Variants in WDFY3 observed in about 807,000 individuals in gnomAD.
The protein encoded by WDFY3 is WD repeat and FYVE domain containing 3.
WDFY3 carries 66 observed loss-of-function variants against 409.6 expected under a neutral mutation model. The observed-to-expected ratio is 0.16, with a 90% CI of 0.13 to 0.20. The LOEUF (loss-of-function observed/expected upper bound fraction) is 0.20. Ranked by LOEUF, WDFY3 falls within the 10% of genes least tolerant of loss-of-function variation. The pLI is 1.00. For missense variants in WDFY3, 3,031 were observed against 4,298.1 expected (o/e 0.71, Z 8.24); for synonymous variants, 1,521 against 1,537.1 (o/e 0.99, Z 0.25).
At chr4:84,852,215 T>C (rs1759129111) in intron 4 of WDFY3, among the ~76,000 whole-genome samples, 1 of 152,174 alleles carries the variant, frequency 6.6e-6, no homozygotes. Flanking sequence ...AAGTGACTAT[T>C]GGGCAGGTGG....
intron 5 of WDFY3, among the ~76,000 whole-genome samples, chr4:84,841,695 T>C (rs1166584956): frequency 1.3e-5 from 2 of 152,192 alleles, no homozygotes; most frequent in South Asian, 2.1e-4. Flanking sequence ...CTTAACATTA[T>C]AGAAGAGCAC....
chr4:84,926,986 G>A (rs1579159748), intron 2 of WDFY3, among the ~76,000 whole-genome samples: 2 of 152,256 alleles, frequency 1.3e-5, no homozygotes, highest in Admixed American at 6.5e-5. Flanking sequence ...GGAATACCAC[G>A]TAGAAATCCT....
intron 3 of WDFY3, among the ~76,000 whole-genome samples, chr4:84,885,164 C>T (rs1250025340): frequency 6.6e-6 from 1 of 151,952 alleles, no homozygotes; most frequent in Non-Finnish European, 1.5e-5. Flanking sequence ...CCATGCCTGG[C>T]TAATTTTTTT....
chr4:84,767,614 A>G (rs138185014), intron 30 of WDFY3, among the ~76,000 whole-genome samples: 2,094 of 151,404 alleles, frequency 0.014, 26 homozygotes, highest in Middle Eastern at 0.031. Flanking sequence ...TCCAGTGAAC[A>G]CGCAATGATA....
At chr4:84,754,074 C>T (rs1280010311) in intron 34 of WDFY3, among the ~76,000 whole-genome samples, 198 bp from the exon 35 acceptor site, 1 of 151,916 alleles carries the variant, frequency 6.6e-6, no homozygotes, top group Non-Finnish European at 1.5e-5. Flanking sequence ...ACAAAAAATC[C>T]CCTTAGAAAC....
intron 3 of WDFY3, among the ~76,000 whole-genome samples, chr4:84,874,092 T>C (rs1427026779): frequency 1.3e-5 from 2 of 151,566 alleles, no homozygotes; most frequent in Admixed American, 1.3e-4. Context: ...GGTGTCCTGT[T>C]CTTACAGCTC....
chr4:84,865,856 G>A (rs574156425), intron 3 of WDFY3, among the ~76,000 whole-genome samples: 1 of 152,276 alleles, frequency 6.6e-6, no homozygotes, highest in South Asian at 2.1e-4. Flanking sequence ...GATCCTTTAA[G>A]CTCAGGAGTT....
chr4:84,928,076 C>A (rs1770239773), intron 2 of WDFY3, among the ~76,000 whole-genome samples: 1 of 152,180 alleles, frequency 6.6e-6, no homozygotes, highest in Admixed American at 6.5e-5. Flanking sequence ...GATCTGCCCT[C>A]AATATGAGTG....
Position 84,755,323 on chromosome 4 carries a change from G to A in WDFY3, c.5502C>T (p.Asn1834=), listed in dbSNP as rs763876570. 13 of 1,612,852 alleles carry A rather than the reference G, an allele frequency of 8.1e-6. No individual in the cohort carries two copies. Among genetic ancestry groups the A allele is most frequent in the South Asian group, 5.5e-5 (5 of 90,818 alleles). The change falls in exon 34 of 68, where the codon AAC becomes AAT. Residue 1834 remains asparagine, a synonymous_variant. Transcript: ENST00000295888. ...ATAAAAAAACAGCTTCTGTGCATAC[G>A]TTATGGATAGAAGAGACCACAGTTC... is the stretch of plus-strand genomic sequence containing the variant. The part of the protein sequence containing the change: ...SSGTVVSSIH[N]VCTEAVFLLL...
chr4:84,908,887 T>C (rs1288905941), intron 2 of WDFY3, among the ~76,000 whole-genome samples: 3 of 152,118 alleles, frequency 2.0e-5, no homozygotes, highest in Non-Finnish European at 4.4e-5. Context: ...TGTAAGCTCT[T>C]TGAGGGCAGA....
At chr4:84,867,365 T>C (rs1290008990) in intron 3 of WDFY3, among the ~76,000 whole-genome samples, 1 of 152,198 alleles carries the variant, frequency 6.6e-6, no homozygotes, top group Non-Finnish European at 1.5e-5. Flanking sequence ...AAAGAAAAGA[T>C]ATGCAAAATA....
At chr4:84,707,992 A>G (rs1214363535) in intron 53 of WDFY3, among the ~76,000 whole-genome samples, 2 of 152,224 alleles carry the variant, frequency 1.3e-5, no homozygotes, top group Non-Finnish European at 2.9e-5. Context: ...ATTCTAGTGA[A>G]TAAGAACGTT....
intron 4 of WDFY3, among the ~76,000 whole-genome samples, chr4:84,850,928 G>GTTTTTTTTTTATTTTTTTTTTTTTT (rs1758867778): frequency 2.2e-5 from 1 of 46,220 alleles, no homozygotes; most frequent in Non-Finnish European, 3.9e-5. Flanking sequence ...TTATTTATCT[G>GTTTTTTTTTTATTTTTTTTTTTTTT]TTTTTTTTTT....
chr4:84,903,986 C>A (rs1215387559), intron 2 of WDFY3, among the ~76,000 whole-genome samples: 1 of 152,086 alleles, frequency 6.6e-6, no homozygotes, highest in Non-Finnish European at 1.5e-5. Context: ...ATGTTAAAAT[C>A]CCATCTCTCC....
At chr4:84,686,883 G>A (rs942537447) in intron 62 of WDFY3, among the ~76,000 whole-genome samples, 10 of 152,230 alleles carry the variant, frequency 6.6e-5, no homozygotes, top group African/African-American at 2.4e-4. Flanking sequence ...GACCATCTTA[G>A]CAATGAATCC....
chr4:84,918,838 TAC>T (rs1464316179), intron 2 of WDFY3, among the ~76,000 whole-genome samples: 14 of 149,796 alleles, frequency 9.3e-5, no homozygotes, highest in Non-Finnish European at 1.5e-4. Flanking sequence ...GATATATATA[TAC>T]ACACACACAC....
chr4:84,827,675 T>G (rs1405754340), intron 9 of WDFY3, among the ~76,000 whole-genome samples: 1 of 152,214 alleles, frequency 6.6e-6, no homozygotes, highest in Non-Finnish European at 1.5e-5. Flanking sequence ...TCTCAAAGGA[T>G]AAATCAATTA....
At chr4:84,881,749 ATGT>A (rs1405399034) in intron 3 of WDFY3, among the ~76,000 whole-genome samples, 1 of 151,990 alleles carries the variant, frequency 6.6e-6, no homozygotes, top group Non-Finnish European at 1.5e-5. Flanking sequence ...ATAGCCAGGC[ATGT>A]TGTTGTACAT....
At chr4:84,946,190 A>T (rs549276335) in intron 1 of WDFY3, among the ~76,000 whole-genome samples, 1 of 152,352 alleles carries the variant, frequency 6.6e-6, no homozygotes, top group East Asian at 1.9e-4. Context: ...AAGCCAGGAC[A>T]CTAGCAGAAG....
Sources: allele counts gnomAD v4.1 joint callset (sites outside exome capture counted in the v4.1 genomes callset), GRCh38; gene constraint gnomAD v4.1.1; transcripts MANE v1.5; gene names NCBI Gene and HGNC (gene_info 2026-07-23, HGNC 2026-07-21).